MSRA: variants seen among roughly 807,000 people sequenced by gnomAD.
MSRA encodes the protein methionine sulfoxide reductase A.
Under a neutral mutation model 31.3 loss-of-function variants are expected in MSRA, and 54 were observed. The observed-to-expected ratio is 1.73, with a 90% CI of 1.39 to 2.17. The LOEUF is 2.17. Ranked by LOEUF, MSRA falls within the 30% of genes most tolerant of loss-of-function variation. MSRA has a pLI of 0.00. For synonymous variants in MSRA, 169 were observed against 116.5 expected, an observed-to-expected ratio of 1.45 and a Z score of -2.90; for missense variants, 507 against 300.9, an observed-to-expected ratio of 1.69 and a Z score of -5.07.
chr8:10,228,720 C>G (rs969400226), intron 2 of MSRA, among the ~76,000 whole-genome samples: 2 of 152,178 alleles, frequency 1.3e-5, no homozygotes, highest in African/African-American at 4.8e-5. Context: ...TGTCTTTGGG[C>G]AAGTGGCCTA....
At position 10,428,356 on chromosome 8, in the gene MSRA, T is replaced by C; in HGVS notation, c.*44T>C. 6.3e-7 allele frequency: 1 copy of C among 1,592,522 alleles called. No individual in the cohort carries two copies. The highest frequency in any genetic ancestry group is 8.6e-7 in the Non-Finnish European group (1 of 1,166,004). ...GCCTTTGAGGTTCCAGTAAAAATGCTTTCAACAAATTGGGCAATGCTTGTG... is the reference window on the plus strand; with the variant it reads ...GCCTTTGAGGTTCCAGTAAAAATGCCTTCAACAAATTGGGCAATGCTTGTG... On this transcript the variant is annotated 3_prime_UTR_variant, in exon 6 of 6. Transcript: ENST00000317173.
At chr8:10,366,022 T>C (rs1025112495) in intron 5 of MSRA, among the ~76,000 whole-genome samples, 1 of 152,166 alleles carries the variant, frequency 6.6e-6, no homozygotes, top group African/African-American at 2.4e-5. Context: ...CCCTGCTCCT[T>C]CAGGACAGAT....
At chr8:10,157,915 A>G (rs1563163279) in intron 1 of MSRA, among the ~76,000 whole-genome samples, 2 of 152,116 alleles carry the variant, frequency 1.3e-5, no homozygotes, top group South Asian at 2.1e-4. Flanking sequence ...GTACAGTTCA[A>G]TGGTGTCTTA....
chr8:10,248,589 G>A (rs763502136), intron 3 of MSRA, among the ~76,000 whole-genome samples: 2 of 152,242 alleles, frequency 1.3e-5, no homozygotes, highest in South Asian at 2.1e-4. Context: ...GGATGTGAGT[G>A]TAGAAGCAGT....
intron 1 of MSRA, among the ~76,000 whole-genome samples, chr8:10,202,553 C>G (rs985241784): frequency 6.6e-6 from 1 of 152,194 alleles, no homozygotes; most frequent in African/African-American, 2.4e-5. Context: ...CGATGAGACT[C>G]TATGGGTACT....
chr8:10,274,640 A>C (rs1799223160), intron 3 of MSRA, among the ~76,000 whole-genome samples: 1 of 152,146 alleles, frequency 6.6e-6, no homozygotes, highest in Non-Finnish European at 1.5e-5. Flanking sequence ...TTATGTATCC[A>C]TGTGTTATCC....
At chr8:10,140,606 A>G (rs749971289) in intron 1 of MSRA, among the ~76,000 whole-genome samples, 3 of 152,174 alleles carry the variant, frequency 2.0e-5, no homozygotes, top group Non-Finnish European at 2.9e-5. Context: ...CTGTTGTGTA[A>G]TATGCATAAT....
rs928822961 is a variant in MSRA at position 10,245,206 on chromosome 8, A to G, written c.314A>G (p.Tyr105Cys). ...FAGGYTSNPTYKEVCSEKTGH... is the reference protein window; with the variant it reads ...FAGGYTSNPTCKEVCSEKTGH... ...GGAGGCTATACTTCAAATCCTACTT[A>G]TAAAGAAGTCTGCTCAGGTAGGAAG... The change falls in exon 3 of 6, where the codon TAT (tyrosine) becomes TGT (cysteine). Residue 105 changes from tyrosine (Y) to cysteine (C), a missense_variant. By Grantham distance (194) the Tyr-to-Cys change is radical. Coordinates refer to ENST00000317173, the MANE Select transcript of MSRA (RefSeq NM_012331.5). 1.9e-6 allele frequency: 3 copies of G among 1,613,270 alleles called. No homozygotes were observed. The highest frequency in any genetic ancestry group is 2.7e-5 in the African/African-American group (2 of 74,908).
Position 10,130,620 on chromosome 8 carries a change from A to C in MSRA, c.142+75962A>C, listed in dbSNP as rs533942008. ...ATAATCTTGGCGTCACTATGCACAC[A>C]CACAGAGACCGCACATACAAAGCGA... On this transcript the variant is annotated intron_variant, in intron 1 of 5. Coordinates refer to ENST00000317173, the MANE Select transcript of MSRA (RefSeq NM_012331.5). Among the ~76,000 whole-genome samples, 8 of 152,346 alleles carry C rather than the reference A, an allele frequency of 5.3e-5. No homozygotes were observed. The East Asian group carries it at 1.5e-3, about 29-fold the overall frequency.
At chr8:10,273,251 C>T (rs987763371) in intron 3 of MSRA, among the ~76,000 whole-genome samples, 3 of 152,152 alleles carry the variant, frequency 2.0e-5, no homozygotes, top group Admixed American at 6.5e-5. Context: ...ACTTATTCTA[C>T]CCTACCTTAA....
chr8:10,404,592 C>T (rs574473482), intron 5 of MSRA, among the ~76,000 whole-genome samples: 5 of 152,380 alleles, frequency 3.3e-5, no homozygotes, highest in African/African-American at 4.8e-5. Context: ...GACAGGTGCG[C>T]GGGCTCTCCA....
intron 5 of MSRA, among the ~76,000 whole-genome samples, chr8:10,349,263 A>G (rs146776783): frequency 2.5e-4 from 38 of 152,310 alleles, no homozygotes; most frequent in African/African-American, 8.9e-4. Flanking sequence ...GCTGTCATAG[A>G]TGCAAACCAA....
At chr8:10,289,130 C>G (rs1263793640) in intron 3 of MSRA, among the ~76,000 whole-genome samples, 1 of 152,156 alleles carries the variant, frequency 6.6e-6, no homozygotes, top group East Asian at 1.9e-4. Context: ...ATTCTCCTGC[C>G]TCAGTCTCTG....
intron 2 of MSRA, among the ~76,000 whole-genome samples, chr8:10,240,413 G>T (rs978210943): frequency 5.3e-5 from 8 of 152,150 alleles, no homozygotes; most frequent in African/African-American, 2.4e-5. Flanking sequence ...AGGTACTAGG[G>T]TAGCCAGTGA....
chr8:10,426,069 G>A (rs374792023), intron 5 of MSRA, among the ~76,000 whole-genome samples: 1 of 152,144 alleles, frequency 6.6e-6, no homozygotes, highest in African/African-American at 2.4e-5. Context: ...TCCTTCAGTG[G>A]GCAGCCTCTT....
chr8:10,082,809 C>G (rs747359257), intron 1 of MSRA, among the ~76,000 whole-genome samples: 1 of 152,184 alleles, frequency 6.6e-6, no homozygotes, highest in Non-Finnish European at 1.5e-5. Context: ...GAAGGGGGCA[C>G]TGTGTTCACT....
chr8:10,113,530 C>G (rs1264465439), intron 1 of MSRA, among the ~76,000 whole-genome samples: 1 of 151,350 alleles, frequency 6.6e-6, no homozygotes, highest in Non-Finnish European at 1.5e-5. Context: ...AAGTTTTCTT[C>G]TTTGAATGAT....
At chr8:10,318,228 G>A (rs1357381063) in intron 4 of MSRA, among the ~76,000 whole-genome samples, 1 of 152,192 alleles carries the variant, frequency 6.6e-6, no homozygotes, top group African/African-American at 2.4e-5. Context: ...GTGACCTCAG[G>A]TGGGTCACTG....
intron 1 of MSRA, among the ~76,000 whole-genome samples, chr8:10,057,997 TTA>T (rs1336262861): frequency 6.6e-6 from 1 of 152,240 alleles, no homozygotes; most frequent in African/African-American, 2.4e-5. Flanking sequence ...TCTTACCTTT[TTA>T]TAGAGTATCA....
Sources: gnomAD v4.1 joint callset for allele counts (sites outside exome capture counted in the v4.1 genomes callset) on GRCh38, gnomAD v4.1.1 for gene constraint, MANE v1.5 for transcripts, NCBI Gene and HGNC (gene_info 2026-07-23, HGNC 2026-07-21) for gene names.